ZNF765: variants seen among roughly 807,000 people sequenced by gnomAD.
ZNF765 encodes zinc finger protein 765.
Under a neutral mutation model 44.7 loss-of-function variants are expected in ZNF765, and 37 were observed. That is an observed-to-expected ratio of 0.83 (90% CI 0.64 to 1.09). The LOEUF (loss-of-function observed/expected upper bound fraction) is 1.09, where lower values mean the gene tolerates loss of function less well. Among genes scored for constraint, ZNF765 ranks in the 50% least tolerant of loss-of-function variants. The pLI is 0.00. For synonymous variants in ZNF765, 201 were observed against 213.7 expected, an observed-to-expected ratio of 0.94 and a Z score of 0.52; for missense variants, 594 against 626.1, an observed-to-expected ratio of 0.95 and a Z score of 0.55.
chr19:53,415,113 G>A (rs891783015), downstream of ZNF765, among the ~76,000 whole-genome samples: 5 of 151,858 alleles, frequency 3.3e-5, no homozygotes, highest in Admixed American at 6.6e-5. Flanking sequence ...TCTACTAAAA[G>A]TACAAAATTA....
At chr19:53,398,584 C>A (rs2085693235) in intron 2 of ZNF765, among the ~76,000 whole-genome samples, 1 of 152,030 alleles carries the variant, frequency 6.6e-6, no homozygotes, top group Non-Finnish European at 1.5e-5. Context: ...ATGTTTTATT[C>A]CGTCTTTATT....
At chr19:53,425,940 A>G (rs1310555502) in exon 4 of ZNF765, 1 of 152,474 alleles carries the variant, frequency 6.6e-6, no homozygotes, top group Admixed American at 6.5e-5. Context: ...TCTACTAAAA[A>G]TACAAAAATT....
Position 53,397,932 on chromosome 19 carries a change from C to T in ZNF765, c.-73-11C>T, listed in dbSNP as rs2085686688. The stretch of plus-strand genomic sequence containing the variant: ...ATTCTGAGCAATAAACAACATATTT[C>T]TAACATTCAGGATTGACTTCTAAAG... On this transcript the variant is annotated splice_polypyrimidine_tract_variant and intron_variant, in intron 1 of 3. Transcript: ENST00000396408. 1.3e-6 allele frequency: 2 copies of T among 1,591,048 alleles called. No homozygotes were observed. The highest frequency in any genetic ancestry group is 1.1e-5 in the South Asian group (1 of 90,262).
chr19:53,411,971 C>T lies in ZNF765; in HGVS notation c.*2844C>T, dbSNP rs143471303. Reference sequence around the variant, plus strand: ...TGATTTTCTGCACAGAAGATCATGTCGTCTACAAACAAATATAATTTTACT... The same window carrying T: ...TGATTTTCTGCACAGAAGATCATGTTGTCTACAAACAAATATAATTTTACT... On this transcript the variant is annotated 3_prime_UTR_variant, in exon 4 of 4. Transcript: ENST00000396408. 1,575 of 163,730 alleles carry T rather than the reference C, an allele frequency of 9.6e-3. 6 individuals are homozygous for T. Among genetic ancestry groups the T allele is most frequent in the Non-Finnish European group, 0.015 (1,149 of 75,210 alleles). The allele number at this position is 163,730 out of a possible 1,614,324, so 10.1% of individuals were successfully genotyped here.
chr19:53,408,301 G>T lies in ZNF765; in HGVS notation c.746G>T (p.Gly249Val), dbSNP rs570282533. 3 of 1,614,186 alleles carry T rather than the reference G, an allele frequency of 1.9e-6. No individual in the cohort carries two copies. In the South Asian group the frequency reaches 3.3e-5, roughly 18 times the overall value. The change falls in exon 4 of 4, where the codon GGC (glycine) becomes GTC (valine). Residue 249 changes from glycine (G) to valine (V), a missense_variant. Physicochemically the swap from Gly to Val is moderately radical, Grantham distance 109 (BLOSUM62 -3). This residue lies in a region of ZNF765 where 567 missense variants were observed against 572.6 expected (regional missense o/e 0.99). Coordinates refer to ENST00000396408, the MANE Select transcript of ZNF765 (RefSeq NM_001040185.3). ...AAACAATATAAATGCGATATATGTG[G>T]CAAGGTCTTTAATTCGAAGCGATAC... ...GEKQYKCDIC[G>V]KVFNSKRYVA...
chr19:53,406,712 C>T (rs539331155), intron 3 of ZNF765, among the ~76,000 whole-genome samples: 7 of 152,198 alleles, frequency 4.6e-5, no homozygotes, highest in South Asian at 2.1e-4. Context: ...GTCATAAGTT[C>T]GAGGCCAGCC....
chr19:53,418,001 G>C (rs2085885185), intron 3 of ZNF765, among the ~76,000 whole-genome samples: 1 of 152,146 alleles, frequency 6.6e-6, no homozygotes, highest in African/African-American at 2.4e-5. Flanking sequence ...GGATCAAGGA[G>C]AAGAAAGAAT....
intron 2 of ZNF765, among the ~76,000 whole-genome samples, chr19:53,398,330 G>T (rs1056924596): frequency 6.6e-6 from 1 of 152,110 alleles, no homozygotes; most frequent in Non-Finnish European, 1.5e-5. Flanking sequence ...ATTGTTCAGG[G>T]GCTACATCTG....
chr19:53,397,920 A>T, intron 1 of ZNF765, 23 bp from the exon 2 acceptor site: 1 of 1,575,174 alleles, frequency 6.3e-7, no homozygotes. Context: ...CTGAGCAATA[A>T]ACAACATATT....
intron 2 of ZNF765, among the ~76,000 whole-genome samples, chr19:53,399,656 G>C (rs1395395253): frequency 6.6e-6 from 1 of 151,402 alleles, no homozygotes; most frequent in Non-Finnish European, 1.5e-5. Flanking sequence ...ACCCCAGCCT[G>C]GGCACAGATC....
In ZNF765 at chr19:53,410,710, T is replaced by C; in HGVS notation, c.*1583T>C. 4.5e-6 allele frequency: 2 copies of C among 440,840 alleles called. No homozygotes were observed. Among genetic ancestry groups the C allele is most frequent in the South Asian group, 3.5e-5 (2 of 56,946 alleles). 27.3% of individuals were successfully genotyped at this position (440,840 alleles called of 1,614,324 possible). The stretch of plus-strand genomic sequence containing the variant: ...ATTTGGCAAATTTTTCAGACATTGT[T>C]CATAACTTGCAGTTCATCGGCGAAC... On this transcript the variant is annotated 3_prime_UTR_variant, in exon 4 of 4. Transcript: ENST00000396408.
At chr19:53,424,214 C>G (rs972926678) in exon 4 of ZNF765, 2 of 151,026 alleles carry the variant, frequency 1.3e-5, no homozygotes, top group African/African-American at 2.4e-5. Flanking sequence ...CTTTGGAGGG[C>G]CGAAGCAGAC....
intron 3 of ZNF765, among the ~76,000 whole-genome samples, chr19:53,405,320 C>G (rs118167194): frequency 1.3e-5 from 2 of 152,130 alleles, no homozygotes; most frequent in African/African-American, 4.8e-5. Context: ...CCACTACACT[C>G]CAGTCCAGGC....
intron 3 of ZNF765, among the ~76,000 whole-genome samples, chr19:53,405,604 C>G (rs1258561425): frequency 8.0e-5 from 12 of 150,564 alleles, no homozygotes; most frequent in Non-Finnish European, 1.6e-4. Context: ...GAACAGGCAA[C>G]GAGCTCTTTA....
At chr19:53,398,135 T>A in intron 2 of ZNF765, 105 bp downstream of exon 2, 1 of 1,588,446 alleles carries the variant, frequency 6.3e-7, no homozygotes, top group South Asian at 1.1e-5. Context: ...CCTGACAGGT[T>A]TGCTCGCACT....
At chr19:53,416,613 TAAGAG>T (rs1296420855), downstream of ZNF765, among the ~76,000 whole-genome samples, 4 of 152,118 alleles carry the variant, frequency 2.6e-5, no homozygotes. Flanking sequence ...ATATTTCGGT[TAAGAG>T]AAATTTGTAT....
In ZNF765 at chr19:53,409,898, G is replaced by T; in HGVS notation, c.*771G>T. On this transcript the variant is annotated 3_prime_UTR_variant, in exon 4 of 4. Transcript: ENST00000396408. The stretch of plus-strand genomic sequence containing the variant: ...TAATGAGTGTAGAAAAACCTTTCAT[G>T]GGCAGTCAGCATTTTACAAATGTAA... 1 of 639,048 alleles carries T rather than the reference G, an allele frequency of 1.6e-6. No homozygotes were observed. The highest frequency in any genetic ancestry group is 3.6e-5 in the East Asian group (1 of 27,602). 39.6% of individuals were successfully genotyped at this position (639,048 alleles called of 1,614,324 possible). A position where few individuals can be genotyped will look rare whatever the true frequency, so the allele number is the denominator to read the frequency against.
Position 53,408,236 on chromosome 19 carries a change from C to T in ZNF765, c.681C>T (p.Ser227=). 1 of 1,614,206 alleles carries T rather than the reference C, an allele frequency of 6.2e-7. No individual in the cohort carries two copies. Among genetic ancestry groups the T allele is most frequent in the Non-Finnish European group, 8.5e-7 (1 of 1,180,044 alleles). The change falls in exon 4 of 4, where the codon AGC becomes AGT. Residue 227 remains serine (S), a synonymous_variant. Coordinates refer to ENST00000396408, the MANE Select transcript of ZNF765 (RefSeq NM_001040185.3). ...CNDSGKAYNC[S]SLLRKHQLIH... ...ACAGTGGCAAAGCCTATAATTGTAG[C>T]TCACTCTTAAGGAAACATCAGTTAA...
At chr19:53,413,133 C>T, downstream of ZNF765, 1 of 484,818 alleles carries the variant, frequency 2.1e-6, no homozygotes, top group Non-Finnish European at 3.9e-6. Flanking sequence ...AAAAAGATGT[C>T]AAGCCTCTTC....
Sources: allele counts gnomAD v4.1 joint callset (sites outside exome capture counted in the v4.1 genomes callset), GRCh38; gene constraint gnomAD v4.1.1; regional missense constraint gnomAD v4.1.1; transcripts MANE v1.5; gene names NCBI Gene and HGNC (gene_info 2026-07-23, HGNC 2026-07-21).